The following SARS1 variants were observed in gnomAD, a reference collection of about 807,000 sequenced individuals.
SARS1 encodes the protein serine--tRNA ligase, cytoplasmic.
In SARS1, 25 loss-of-function variants were observed where a neutral mutation model predicts 63.7. The ratio of observed to expected loss-of-function variants is 0.39; its 90% confidence interval spans 0.29 to 0.55. The LOEUF (loss-of-function observed/expected upper bound fraction) is 0.55. Among genes scored for constraint, SARS1 ranks in the 20% least tolerant of loss-of-function variants. SARS1 has a pLI of 0.62. For synonymous variants in SARS1, 231 were observed against 243.5 expected (o/e 0.95, Z 0.48); for missense variants, 417 against 649.7 (o/e 0.64, Z 3.89).
chr1:109,216,057 C>T, intron 1 of SARS1: 2 of 985,284 alleles, frequency 2.0e-6, no homozygotes, highest in Non-Finnish European at 2.4e-6. Context: ...TTTGACAACC[C>T]TTTCCAATAT....
In SARS1 at chr1:109,237,244, G is replaced by C; in HGVS notation, c.1258G>C (p.Val420Leu). 1 of 1,609,790 alleles carries C rather than the reference G, an allele frequency of 6.2e-7. No homozygotes were observed. Among genetic ancestry groups the C allele is most frequent in the East Asian group, 2.2e-5 (1 of 44,830 alleles). ...YGQTKKMMDKVEFVHMLNATM... is the reference protein window; with the variant it reads ...YGQTKKMMDKLEFVHMLNATM... ...CCCCTCTGGGACCCTGTCTTCCCAG[G>C]TGGAGTTTGTCCATATGCTCAATGC... The change falls in exon 10 of 11, where the codon GTG becomes CTG. Residue 420 changes from valine to leucine, a missense_variant and splice_region_variant. This residue lies in a region of SARS1 where 359 missense variants were observed against 529.6 expected (regional missense o/e 0.68). Coordinates refer to ENST00000234677, the MANE Select transcript of SARS1 (RefSeq NM_006513.4). The surrounding 1 kb of genome is among the most constrained non-coding windows in gnomAD (Gnocchi z 4.1).
chr1:109,231,902 CTG>C, intron 6 of SARS1, 116 bp downstream of exon 6: 1 of 879,812 alleles, frequency 1.1e-6, no homozygotes, highest in Non-Finnish European at 1.6e-6. Flanking sequence ...CGTTCTCTCT[CTG>C]TGACTCTTGA....
chr1:109,228,003 A>G (rs1163011154), intron 2 of SARS1, among the ~76,000 whole-genome samples: 2 of 151,626 alleles, frequency 1.3e-5, no homozygotes, highest in African/African-American at 4.8e-5. Context: ...TCCAGCGCTT[A>G]TAGCTCATGA....
chr1:109,229,641 G>C (rs1211998957), intron 4 of SARS1, 69 bp downstream of exon 4: 1 of 1,473,452 alleles, frequency 6.8e-7, no homozygotes, highest in Non-Finnish European at 9.3e-7. Context: ...GGGGACGGGA[G>C]GAGATCTGTG....
At chr1:109,215,298 G>C (rs1013761423) in intron 1 of SARS1, 2 of 985,330 alleles carry the variant, frequency 2.0e-6, no homozygotes, top group African/African-American at 3.5e-5. Flanking sequence ...CCTGAGCACT[G>C]TTCTACTGAA....
At chr1:109,224,808 A>G (rs1272999982) in intron 2 of SARS1, among the ~76,000 whole-genome samples, 1 of 152,066 alleles carries the variant, frequency 6.6e-6, no homozygotes, top group Non-Finnish European at 1.5e-5. Context: ...ATTACATTAC[A>G]TATTATAGCT....
chr1:109,233,841 C>T (rs1370896418), intron 6 of SARS1, among the ~76,000 whole-genome samples: 8 of 146,490 alleles, frequency 5.5e-5, no homozygotes, highest in Non-Finnish European at 1.0e-4. Flanking sequence ...GGATTACAGG[C>T]GTCGCCACCA....
chr1:109,227,682 C>T (rs1296002651), intron 2 of SARS1, among the ~76,000 whole-genome samples: 1 of 151,480 alleles, frequency 6.6e-6, no homozygotes, highest in East Asian at 1.9e-4. Context: ...TGGGGGATCA[C>T]TTAAGGCCAG....
chr1:109,229,312 G>A (rs1655156250), intron 3 of SARS1, 102 bp from the exon 4 acceptor site: 3 of 1,173,536 alleles, frequency 2.6e-6, no homozygotes. Flanking sequence ...GCTACCACAA[G>A]GGCTATCTTT....
At chr1:109,231,165 G>A (rs981972085) in intron 5 of SARS1, 144 bp downstream of exon 5, 4 of 446,200 alleles carry the variant, frequency 9.0e-6, no homozygotes, top group African/African-American at 8.3e-5. Context: ...TTCTGCAAAT[G>A]TATTGGCAAT....
intron 1 of SARS1, among the ~76,000 whole-genome samples, chr1:109,222,027 T>A (rs1248840561): frequency 9.4e-6 from 1 of 106,716 alleles, no homozygotes; most frequent in African/African-American, 4.3e-5. Context: ...TTTTTTTTTT[T>A]TTTTTTTTTT....
At chr1:109,231,420 G>A (rs1421247585) in intron 5 of SARS1, 11 of 386,746 alleles carry the variant, frequency 2.8e-5, no homozygotes, top group Admixed American at 9.0e-5. Flanking sequence ...TTCTCTTAAC[G>A]GTGTGCCTGG....
chr1:109,221,763 G>A (rs1291459613), intron 1 of SARS1, among the ~76,000 whole-genome samples: 1 of 151,798 alleles, frequency 6.6e-6, no homozygotes, highest in Non-Finnish European at 1.5e-5. Flanking sequence ...TATATTCATT[G>A]ATTGAAACAT....
At chr1:109,217,609 G>A (rs989736929) in intron 1 of SARS1, among the ~76,000 whole-genome samples, 1 of 151,544 alleles carries the variant, frequency 6.6e-6, no homozygotes, top group Non-Finnish European at 1.5e-5. Flanking sequence ...TGCCTAGGCT[G>A]GAATGCAGTG....
chr1:109,224,274 T>C (rs996934690), intron 2 of SARS1, among the ~76,000 whole-genome samples: 1 of 152,228 alleles, frequency 6.6e-6, no homozygotes, highest in Non-Finnish European at 1.5e-5. Context: ...GGTAAGATTC[T>C]TTGTTGTCTA....
Position 109,213,948 on chromosome 1 carries a change from G to A in SARS1, c.-45G>A, listed in dbSNP as rs528287986. 2.5e-6 allele frequency: 4 copies of A among 1,568,988 alleles called. No homozygotes were observed. Among genetic ancestry groups the A allele is most frequent in the African/African-American group, 2.7e-5 (2 of 73,376 alleles). ...GCGGCGGTCACAGGCTGAGTGCTGCGGCGCGATCCTTGCTTCCCTGAGCGT... is the reference window on the plus strand; with the variant it reads ...GCGGCGGTCACAGGCTGAGTGCTGCAGCGCGATCCTTGCTTCCCTGAGCGT... On this transcript the variant is annotated 5_prime_UTR_variant, in exon 1 of 11. Coordinates refer to ENST00000234677, the MANE Select transcript of SARS1 (RefSeq NM_006513.4).
In SARS1 at chr1:109,237,228, G is replaced by A; in HGVS notation, c.1258-16G>A. ...GAGTTGAGCCCGACTTCCCCTCTGGGACCCTGTCTTCCCAGGTGGAGTTTG... is the reference window on the plus strand; with the variant it reads ...GAGTTGAGCCCGACTTCCCCTCTGGAACCCTGTCTTCCCAGGTGGAGTTTG... On this transcript the variant is annotated splice_polypyrimidine_tract_variant and intron_variant, in intron 9 of 10. Transcript: ENST00000234677. This position sits in a 1 kb window ranked among gnomAD's most constrained non-coding sequence, Gnocchi z 4.1. 1.2e-6 allele frequency: 2 copies of A among 1,606,252 alleles called. No individual in the cohort carries two copies. Among genetic ancestry groups the A allele is most frequent in the Non-Finnish European group, 1.7e-6 (2 of 1,176,762 alleles).
chr1:109,216,067 T>C (rs1654778923), intron 1 of SARS1: 1 of 985,210 alleles, frequency 1.0e-6, no homozygotes, highest in Non-Finnish European at 1.2e-6. Context: ...CTTTCCAATA[T>C]TCTCTTTGCA....
intron 6 of SARS1, among the ~76,000 whole-genome samples, chr1:109,232,921 G>A (rs1353167522): frequency 3.3e-5 from 5 of 152,262 alleles, no homozygotes; most frequent in South Asian, 2.1e-4. Flanking sequence ...TTATCCAGAC[G>A]CTTCTTGGAC....
Sources: gnomAD v4.1 joint callset for allele counts (sites outside exome capture counted in the v4.1 genomes callset) on GRCh38, gnomAD v4.1.1 for gene constraint, gnomAD v4.1.1 regional missense constraint, Gnocchi (gnomAD v3.1) non-coding constraint, MANE v1.5 for transcripts, NCBI Gene and HGNC (gene_info 2026-07-23, HGNC 2026-07-21) for gene names.